FAM186A: variants seen among roughly 807,000 people sequenced by gnomAD.
FAM186A encodes protein FAM186A.
FAM186A carries 163 observed loss-of-function variants against 216.8 expected under a neutral mutation model. The ratio of observed to expected loss-of-function variants is 0.75; its 90% CI spans 0.66 to 0.86. FAM186A has a LOEUF of 0.86. Among genes scored for constraint, FAM186A ranks in the 40% least tolerant of loss-of-function variants. The pLI is 0.00. For synonymous variants in FAM186A, 805 were observed against 1,025.3 expected (o/e 0.79, Z 4.10); for missense variants, 2,184 against 2,746.2 (o/e 0.80, Z 4.58).
At chr12:50,358,206 G>T (rs1243486394) in intron 3 of FAM186A, among the ~76,000 whole-genome samples, 3 of 151,986 alleles carry the variant, frequency 2.0e-5, no homozygotes, top group East Asian at 3.9e-4. Flanking sequence ...AACACTTTTA[G>T]GCTTCAAAAA....
intron 4 of FAM186A, among the ~76,000 whole-genome samples, chr12:50,343,428 G>A (rs1008789738): frequency 6.6e-6 from 1 of 151,954 alleles, no homozygotes; most frequent in African/African-American, 2.4e-5. Context: ...TATTGTTGTT[G>A]CTGTTGTTGC....
Position 50,354,272 on chromosome 12 carries a change from A to C in FAM186A, c.2560T>G (p.Tyr854Asp). The C allele has an allele frequency of 6.4e-7, 1 of 1,551,414 alleles. No homozygotes were observed. The highest frequency in any genetic ancestry group is 2.4e-5 in the East Asian group (1 of 40,904). Reference protein sequence around the residue: ...LGERNLLKEHYEKISENWEEK... With the variant: ...LGERNLLKEHDEKISENWEEK... The stretch of plus-strand genomic sequence containing the variant: ...TCCCAATTCTCACTTATCTTCTCAT[A>C]GTGCTCCTTCAAGAGATTTCTTTCT... The change falls in exon 4 of 8, where the codon TAT becomes GAT. Residue 854 changes from tyrosine (Y) to aspartate (D), a missense_variant. Transcript: ENST00000327337.
At chr12:50,336,931 T>C (rs919730390) in intron 4 of FAM186A, among the ~76,000 whole-genome samples, 41 of 151,830 alleles carry the variant, frequency 2.7e-4, no homozygotes, top group African/African-American at 7.7e-4. Context: ...ATCAGTGAGA[T>C]TTACCTGAGA....
intron 7 of FAM186A, among the ~76,000 whole-genome samples, chr12:50,330,021 T>G (rs1440997231): frequency 1.3e-5 from 2 of 152,208 alleles, no homozygotes; most frequent in African/African-American, 2.4e-5. Flanking sequence ...AATAATTATC[T>G]GTCCTGAAAG....
chr12:50,365,293 T>A (rs1274571161), intron 1 of FAM186A, among the ~76,000 whole-genome samples: 1 of 152,160 alleles, frequency 6.6e-6, no homozygotes, highest in African/African-American at 2.4e-5. Context: ...TTTAATTTTA[T>A]GTATCAATGC....
intron 7 of FAM186A, 106 bp downstream of exon 7, chr12:50,330,467 A>G: frequency 8.8e-7 from 1 of 1,130,484 alleles, no homozygotes; most frequent in Non-Finnish European, 1.3e-6. Context: ...ACCAAACATT[A>G]CTTTTGGTTG....
At chr12:50,385,411 C>G (rs917260644) in intron 1 of FAM186A, among the ~76,000 whole-genome samples, 35 of 132,620 alleles carry the variant, frequency 2.6e-4, no homozygotes, top group African/African-American at 8.2e-4. Context: ...GAGCAAGACT[C>G]TGTCTCAAAA....
At position 50,341,733 on chromosome 12, in the gene FAM186A, G is replaced by A. The variant is rs542165447; in HGVS notation, c.6504-7630C>T. On this transcript the variant is annotated intron_variant, in intron 4 of 7. Transcript: ENST00000327337. ...ATCTGTAATCCCAGCTACTCAGGAG[G>A]CTGATGCAGGAGAATTCCCTGAACC... Among the ~76,000 whole-genome samples the A allele has an allele frequency of 1.2e-3, 178 of 152,264 alleles. 2 individuals are homozygous for A. The highest frequency in any genetic ancestry group is 4.1e-3 in the African/African-American group (170 of 41,552).
At chr12:50,393,252 T>C (rs12831812) in intron 1 of FAM186A, among the ~76,000 whole-genome samples, 8,140 of 151,778 alleles carry the variant, frequency 0.054, 286 homozygotes, top group Middle Eastern at 0.13. Flanking sequence ...AAAATGTACA[T>C]TTTGGCTGGG....
chr12:50,346,293 G>A (rs1024786595), intron 4 of FAM186A, among the ~76,000 whole-genome samples: 4 of 150,650 alleles, frequency 2.7e-5, no homozygotes, highest in African/African-American at 4.9e-5. Context: ...TAGTGGTGGC[G>A]CCATCTCAGC....
At chr12:50,344,551 T>A (rs1942794202) in intron 4 of FAM186A, among the ~76,000 whole-genome samples, 1 of 152,204 alleles carries the variant, frequency 6.6e-6, no homozygotes, top group Non-Finnish European at 1.5e-5. Context: ...CATGTCTTTG[T>A]GAATAATGCT....
chr12:50,384,534 GA>G (rs1943284201), intron 1 of FAM186A, among the ~76,000 whole-genome samples: 1 of 152,126 alleles, frequency 6.6e-6, no homozygotes, highest in Admixed American at 6.6e-5. Context: ...CACTGTACCT[GA>G]TTTCAAAATT....
At chr12:50,378,084 C>T (rs563394506) in intron 1 of FAM186A, among the ~76,000 whole-genome samples, 1 of 151,786 alleles carries the variant, frequency 6.6e-6, no homozygotes, top group South Asian at 2.1e-4. Flanking sequence ...AATTAGCCGG[C>T]GTGGTGGCCA....
Position 50,361,805 on chromosome 12 carries a change from G to A in FAM186A, c.413-879C>T, listed in dbSNP as rs1465319926. On this transcript the variant is annotated intron_variant, in intron 2 of 7. Coordinates refer to ENST00000327337, the MANE Select transcript of FAM186A (RefSeq NM_001145475.3). ...AGGCTGGTCTCAAACTCCTGACCTG[G>A]GGTGATCTGCCAGCCTCGGCCTCCC... Among the ~76,000 whole-genome samples the A allele has an allele frequency of 6.8e-5, 10 of 147,062 alleles. No individual in the cohort carries two copies. The East Asian group carries it at 8.4e-4, about 12-fold the overall frequency.
chr12:50,373,060 A>AAAGG (rs1565893104), intron 1 of FAM186A, among the ~76,000 whole-genome samples: 27 of 147,014 alleles, frequency 1.8e-4, no homozygotes, highest in African/African-American at 5.9e-4. Flanking sequence ...AGAAAGAAAG[A>AAAGG]AAGAAAGAAA....
Position 50,363,338 on chromosome 12 carries a change from T to C in FAM186A, c.219A>G (p.Ile73Met). Residue 73 changes from isoleucine (I) to methionine (M), a missense_variant, in exon 2 of 8, where the codon ATA becomes ATG. Around this residue, in one of 7 missense-constraint regions of FAM186A, gnomAD observed 1,132 missense variants for 1,263.4 expected, o/e 0.90. Coordinates refer to ENST00000327337, the MANE Select transcript of FAM186A (RefSeq NM_001145475.3). ...TCATTATCCGATGCACATTGTTCAT[T>C]ATTTCACTCAGCTGCATATCAATGT... Reference protein sequence around the residue: ...REDIDMQLSEIMNNVHRIMTR... With the variant: ...REDIDMQLSEMMNNVHRIMTR... 1 of 1,550,960 alleles carries C rather than the reference T, an allele frequency of 6.4e-7. No homozygotes were observed. Among genetic ancestry groups the C allele is most frequent in the Non-Finnish European group, 8.7e-7 (1 of 1,146,848 alleles).
chr12:50,387,048 C>T lies in FAM186A; in HGVS notation c.192+9245G>A, dbSNP rs138159953. ...TGTGGGGTCGGAGGAGCAGATTCTC[C>T]CCACCACCAAGCAGGGAACCATTTC... is the stretch of plus-strand genomic sequence containing the variant. On this transcript the variant is annotated intron_variant, in intron 1 of 7. Coordinates refer to ENST00000327337, the MANE Select transcript of FAM186A (RefSeq NM_001145475.3). 7.2e-4 allele frequency among the ~76,000 whole-genome samples: 109 copies of T among 152,092 alleles called. 1 individual carries two copies. The highest frequency in any genetic ancestry group is 1.3e-3 in the Non-Finnish European group (90 of 68,004).
chr12:50,357,568 A>G (rs919987186), intron 3 of FAM186A, among the ~76,000 whole-genome samples: 5 of 152,132 alleles, frequency 3.3e-5, no homozygotes, highest in African/African-American at 1.2e-4. Context: ...AAAATCAGCA[A>G]TCTTTTTCTT....
intron 2 of FAM186A, 62 bp downstream of exon 2, chr12:50,363,079 TTATA>T: frequency 7.7e-7 from 1 of 1,293,330 alleles, no homozygotes; most frequent in Non-Finnish European, 1.0e-6. Context: ...CAAAATTTAC[TTATA>T]TATTCTCTTC....
Sources: allele counts gnomAD v4.1 joint callset (sites outside exome capture counted in the v4.1 genomes callset), GRCh38; gene constraint gnomAD v4.1.1; regional missense constraint gnomAD v4.1.1; transcripts MANE v1.5; gene names NCBI Gene and HGNC (gene_info 2026-07-23, HGNC 2026-07-21).